The following VCAN variants were observed in gnomAD, a reference collection of about 807,000 sequenced individuals.
VCAN encodes the protein versican core protein.
Under a neutral mutation model 245.5 loss-of-function variants are expected in VCAN, and 44 were observed. The observed-to-expected ratio is 0.18, with a 90% CI of 0.14 to 0.23. The LOEUF is 0.23. VCAN is among the 10% of genes least tolerant of loss of function. VCAN has a pLI of 1.00. For synonymous variants in VCAN, 1,413 were observed against 1,437.0 expected (o/e 0.98, Z 0.38); for missense variants, 3,793 against 4,057.9 (o/e 0.93, Z 1.77).
At chr5:83,506,665 C>T (rs535325265) in intron 5 of VCAN, among the ~76,000 whole-genome samples, 27 of 152,284 alleles carry the variant, frequency 1.8e-4, no homozygotes, top group Non-Finnish European at 3.5e-4. Context: ...TCCACATTTT[C>T]GGGTATCTTT....
chr5:83,573,243 T>G (rs1275085471), intron 13 of VCAN, among the ~76,000 whole-genome samples: 1 of 152,140 alleles, frequency 6.6e-6, no homozygotes, highest in Admixed American at 6.6e-5. Context: ...ATAAAATAGT[T>G]GTCAACAGTT....
intron 12 of VCAN, among the ~76,000 whole-genome samples, chr5:83,561,079 A>T (rs561364434): frequency 7.9e-5 from 12 of 152,256 alleles, no homozygotes; most frequent in African/African-American, 2.6e-4. Flanking sequence ...TTTAAAAAAC[A>T]TTTTCTGCAT....
intron 12 of VCAN, among the ~76,000 whole-genome samples, chr5:83,569,662 A>G (rs987663359): frequency 6.6e-6 from 1 of 152,192 alleles, no homozygotes; most frequent in African/African-American, 2.4e-5. Context: ...CACAGTGTAC[A>G]CATAGTATTA....
At chr5:83,571,623 T>C (rs1193081538) in intron 12 of VCAN, among the ~76,000 whole-genome samples, 3 of 152,162 alleles carry the variant, frequency 2.0e-5, no homozygotes, top group African/African-American at 7.2e-5. Flanking sequence ...TCCTTTTCAA[T>C]GATCTCAACA....
At chr5:83,548,153 C>A in intron 10 of VCAN, 69 bp downstream of exon 10, 1 of 1,148,440 alleles carries the variant, frequency 8.7e-7, no homozygotes, top group Non-Finnish European at 1.3e-6. Flanking sequence ...GGCCTCAATG[C>A]ATAATCTTTC....
Position 83,538,042 on chromosome 5 carries a change from G to A in VCAN, c.5039G>A (p.Ser1680Asn). ...TLDTSRIITE[S>N]FFEVPATTIY... is the part of the protein sequence containing the mutation. ...GACACTAGCAGGATAATCACAGAAA[G>A]CTTTTTTGAGGTTCCTGCAACCACC... The change falls in exon 8 of 15, where the codon AGC becomes AAC. Residue 1680 changes from serine (S) to asparagine (N), a missense_variant. By Grantham distance (46) the Ser-to-Asn change is conservative (BLOSUM62 1). Around this residue, in one of 5 missense-constraint regions of VCAN, gnomAD observed 3,182 missense variants for 3,250.3 expected, o/e 0.98. Transcript: ENST00000265077. The A allele has an allele frequency of 6.2e-7, 1 of 1,614,052 alleles. No individual in the cohort carries two copies. The highest frequency in any genetic ancestry group is 8.5e-7 in the Non-Finnish European group (1 of 1,179,962).
At chr5:83,570,044 AAG>A (rs949018676) in intron 12 of VCAN, among the ~76,000 whole-genome samples, 5 of 152,010 alleles carry the variant, frequency 3.3e-5, no homozygotes, top group African/African-American at 1.2e-4. Flanking sequence ...AAGAAAAAAA[AAG>A]GGAAATAATT....
chr5:83,522,577 A>G (rs1326901365), intron 7 of VCAN, among the ~76,000 whole-genome samples: 1 of 152,242 alleles, frequency 6.6e-6, no homozygotes, highest in Non-Finnish European at 1.5e-5. Context: ...CTGTTACATC[A>G]CTTCAAAACA....
intron 2 of VCAN, among the ~76,000 whole-genome samples, chr5:83,487,950 C>T (rs1033324486): frequency 4.6e-5 from 7 of 152,056 alleles, no homozygotes; most frequent in African/African-American, 1.7e-4. Flanking sequence ...TTTTAAAAGA[C>T]ATGATAAAGA....
rs903299574 is a variant in VCAN at position 83,521,956 on chromosome 5, T to C, written c.3650T>C (p.Leu1217Pro). 5 of 1,614,054 alleles carry C rather than the reference T, an allele frequency of 3.1e-6. No individual in the cohort carries two copies. In the African/African-American group the frequency reaches 4.0e-5, roughly 13 times the overall value. Residue 1217 changes from leucine (L) to proline (P), a missense_variant, in exon 7 of 15, where the codon CTT becomes CCT. Coordinates refer to ENST00000265077, the MANE Select transcript of VCAN (RefSeq NM_004385.5). ...ITTAFSSVDR[L>P]HTTSAFKPSS... ...ACTGCCTTCAGTTCAGTAGACAGACTTCACACAACTTCAGCATTCAAGCCA... is the reference window on the plus strand; with the variant it reads ...ACTGCCTTCAGTTCAGTAGACAGACCTCACACAACTTCAGCATTCAAGCCA...
chr5:83,561,391 G>T, intron 12 of VCAN, among the ~76,000 whole-genome samples: 1 of 151,944 alleles, frequency 6.6e-6, no homozygotes, highest in African/African-American at 2.4e-5. Context: ...CTAATTGATA[G>T]GACAATTAGT....
At chr5:83,502,668 C>G (rs1280959281) in intron 5 of VCAN, among the ~76,000 whole-genome samples, 2 of 152,182 alleles carry the variant, frequency 1.3e-5, no homozygotes, top group African/African-American at 4.8e-5. Flanking sequence ...TGTAATAACA[C>G]ATTTGCAAAT....
intron 4 of VCAN, 22 bp downstream of exon 4, chr5:83,493,742 G>A (rs1745059372): frequency 6.2e-7 from 1 of 1,614,136 alleles, no homozygotes; most frequent in East Asian, 2.2e-5. Context: ...GGGGGCCACA[G>A]GCTTCATTAT....
Position 83,540,408 on chromosome 5 carries a change from C to A in VCAN, c.7405C>A (p.Pro2469Thr). 6.2e-7 allele frequency: 1 copy of A among 1,613,966 alleles called. No individual in the cohort carries two copies. The highest frequency in any genetic ancestry group is 8.5e-7 in the Non-Finnish European group (1 of 1,179,956). Reference protein sequence around the residue: ...FVSDGSLEKHPEVPSAKAVTA... With the variant: ...FVSDGSLEKHTEVPSAKAVTA... ...TTCTGATGGGTCCCTGGAAAAACAT[C>A]CTGAGGTGCCAAGCGCTAAAGCTGT... is the stretch of plus-strand genomic sequence containing the variant. The change falls in exon 8 of 15, where the codon CCT becomes ACT. Residue 2469 changes from proline to threonine, a missense_variant. Physicochemically the swap from Pro to Thr is conservative, Grantham distance 38 (BLOSUM62 -1). This residue lies in a region of VCAN where 3,182 missense variants were observed against 3,250.3 expected (regional missense o/e 0.98). Transcript: ENST00000265077.
At position 83,580,170 on chromosome 5, in the gene VCAN, G is replaced by C; in HGVS notation, c.10063+8G>C. 2 of 1,614,030 alleles carry C rather than the reference G, an allele frequency of 1.2e-6. No individual in the cohort carries two copies. Reference sequence around the variant, plus strand: ...AAATTACCTGCATGAACCGTAAGTGGTCCTTTAGAAAGAATGGACTACCGT... The same window carrying C: ...AAATTACCTGCATGAACCGTAAGTGCTCCTTTAGAAAGAATGGACTACCGT... On this transcript the variant is annotated splice_region_variant and intron_variant, in intron 14 of 14. Transcript: ENST00000265077.
At chr5:83,508,586 TTAAA>T (rs1366546262) in intron 5 of VCAN, among the ~76,000 whole-genome samples, 1 of 152,236 alleles carries the variant, frequency 6.6e-6, no homozygotes, top group Non-Finnish European at 1.5e-5. Flanking sequence ...TTAGGAAGGC[TTAAA>T]TAGTTATTTT....
rs1224992323 is a variant in VCAN at position 83,540,620 on chromosome 5, C to T, written c.7617C>T (p.Pro2539=). 2.5e-6 allele frequency: 4 copies of T among 1,613,586 alleles called. No homozygotes were observed. The highest frequency in any genetic ancestry group is 3.4e-6 in the Non-Finnish European group (4 of 1,179,946). The stretch of plus-strand genomic sequence containing the variant: ...CCTTAAAACCTAACAGAAAAAAACC[C>T]ACTGAAAATATTATCATAGACCTGG... ...DSTLKPNRKK[P]TENIIIDLDK... is the part of the protein sequence containing the mutation. Residue 2539 remains proline (P), a synonymous_variant, in exon 8 of 15, where the codon CCC becomes CCT. Transcript: ENST00000265077.
rs998395916 is a variant in VCAN at position 83,520,076 on chromosome 5, C to G, written c.1770C>G (p.Ile590Met). The G allele has an allele frequency of 1.2e-6, 2 of 1,613,928 alleles. No homozygotes were observed. The highest frequency in any genetic ancestry group is 1.7e-6 in the Non-Finnish European group (2 of 1,179,962). Residue 590 changes from isoleucine to methionine, a missense_variant, in exon 7 of 15, where the codon ATC becomes ATG. Physicochemically the swap from Ile to Met is conservative, Grantham distance 10. Around this residue, in one of 5 missense-constraint regions of VCAN, gnomAD observed 3,182 missense variants for 3,250.3 expected, o/e 0.98. Coordinates refer to ENST00000265077, the MANE Select transcript of VCAN (RefSeq NM_004385.5). Reference sequence around the variant, plus strand: ...TGTCAAAGACTTCAGAAGACACCATCCACACTCATTTAGAAGACTTGGAGT... The same window carrying G: ...TGTCAAAGACTTCAGAAGACACCATGCACACTCATTTAGAAGACTTGGAGT... ...ITVSKTSEDT[I>M]HTHLEDLESV...
chr5:83,574,127 C>G (rs1039465765), intron 13 of VCAN, among the ~76,000 whole-genome samples: 1 of 152,140 alleles, frequency 6.6e-6, no homozygotes, highest in Non-Finnish European at 1.5e-5. Context: ...TCCCAGCTCT[C>G]AGAGAAAGAC....
Sources: allele counts gnomAD v4.1 joint callset (sites outside exome capture counted in the v4.1 genomes callset), GRCh38; gene constraint gnomAD v4.1.1; regional missense constraint gnomAD v4.1.1; transcripts MANE v1.5; gene names NCBI Gene and HGNC (gene_info 2026-07-23, HGNC 2026-07-21).